Variants in RHAG observed in about 807,000 individuals in gnomAD.
RHAG encodes the protein ammonium transporter Rh type A.
Under a neutral mutation model 42.4 loss-of-function variants are expected in RHAG, and 25 were observed. The ratio of observed to expected loss-of-function variants is 0.59; its 90% CI spans 0.43 to 0.82. The LOEUF (loss-of-function observed/expected upper bound fraction) is 0.82, where lower values mean the gene tolerates loss of function less well. Among genes scored for constraint, RHAG ranks in the 40% least tolerant of loss-of-function variants. The pLI, the probability that RHAG is intolerant of heterozygous loss-of-function variation, is 0.00. For synonymous variants in RHAG, 182 were observed against 177.7 expected, an observed-to-expected ratio of 1.02 and a Z score of -0.19; for missense variants, 483 against 504.6, an observed-to-expected ratio of 0.96 and a Z score of 0.41.
Position 49,611,134 on chromosome 6 carries a change from A to T in RHAG, c.957T>A (p.Thr319=), listed in dbSNP as rs139193219. ...ATGTATCATGGATCCTCAGTTTAGT[A>T]GTAAAAAGTGGCTAAAATTATAAAA... ...LGYKFLTPLF[T]TKLRIHDTCG... Residue 319 remains threonine, a synonymous_variant, in exon 7 of 10, where the codon ACT becomes ACA. Transcript: ENST00000371175. 2.2e-5 allele frequency: 36 copies of T among 1,613,276 alleles called. No individual in the cohort carries two copies. The East Asian group carries it at 7.4e-4, about 33-fold the overall frequency.
At chr6:49,636,418 A>G (rs750144022) in intron 1 of RHAG, among the ~76,000 whole-genome samples, 19 of 152,148 alleles carry the variant, frequency 1.2e-4, no homozygotes, top group Non-Finnish European at 1.9e-4. Context: ...AAAAGGCATC[A>G]ATTATTTTAA....
In RHAG at chr6:49,614,716, G is replaced by T. The variant is rs550726877; in HGVS notation, c.778C>A (p.Leu260Ile). 25 of 1,613,992 alleles carry T rather than the reference G, an allele frequency of 1.5e-5. No individual in the cohort carries two copies. The South Asian group carries it at 2.6e-4, about 17-fold the overall frequency. The change falls in exon 5 of 10, where the codon CTA (leucine) becomes ATA (isoleucine). Residue 260 changes from leucine to isoleucine, a missense_variant. Leu to Ile is a conservative substitution (Grantham distance 5, BLOSUM62 2). Transcript: ENST00000371175. Reference sequence around the variant, plus strand: ...TTGAGCTTGCCTCGGTGCTCCACTAGGCTGGAGAAGGCAAAGGCTGTGAGC... The same window carrying T: ...TTGAGCTTGCCTCGGTGCTCCACTATGCTGGAGAAGGCAAAGGCTGTGAGC... ...CVLTAFAFSSLVEHRGKLNMV... is the reference protein window; with the variant it reads ...CVLTAFAFSSIVEHRGKLNMV...
chr6:49,626,891 C>T (rs138727657), intron 1 of RHAG, among the ~76,000 whole-genome samples: 23 of 152,366 alleles, frequency 1.5e-4, no homozygotes, highest in East Asian at 7.7e-4. Context: ...GGCTTGCACC[C>T]GCTGAAGAAA....
At chr6:49,615,531 G>T (rs545441190) in intron 4 of RHAG, 93 bp downstream of exon 4, 2 of 1,414,214 alleles carry the variant, frequency 1.4e-6, no homozygotes, top group Non-Finnish European at 2.0e-6. Flanking sequence ...TGGCTTGGAT[G>T]TTCTTTTTGA....
At chr6:49,627,414 C>T (rs115927078) in intron 1 of RHAG, among the ~76,000 whole-genome samples, 44 of 152,300 alleles carry the variant, frequency 2.9e-4, no homozygotes, top group African/African-American at 9.6e-4. Flanking sequence ...CCCCATCTCA[C>T]TATCACCATT....
chr6:49,608,914 G>T (rs1000611916), intron 7 of RHAG, among the ~76,000 whole-genome samples: 1 of 151,872 alleles, frequency 6.6e-6, no homozygotes, highest in African/African-American at 2.4e-5. Flanking sequence ...TAATTTTATA[G>T]GAATTTGCCA....
In RHAG at chr6:49,615,706, T is replaced by C. The variant is rs562777384; in HGVS notation, c.558A>G (p.Ala186=). 1.5e-5 allele frequency: 24 copies of C among 1,614,146 alleles called. No homozygotes were observed. The African/African-American group carries it at 2.7e-4, about 18-fold the overall frequency. Reference sequence around the variant, plus strand: ...TCAGTCCAGATCGATACAAGATGCCTGCTACAGCCAAGCCAAAGTAGGCCC... The same window carrying C: ...TCAGTCCAGATCGATACAAGATGCCCGCTACAGCCAAGCCAAAGTAGGCCC... ...AFGAYFGLAV[A]GILYRSGLRK... is the part of the protein sequence containing the mutation. Residue 186 remains alanine, a synonymous_variant, in exon 4 of 10, where the codon GCA becomes GCG. Transcript: ENST00000371175.
intron 1 of RHAG, among the ~76,000 whole-genome samples, chr6:49,629,831 G>T (rs1456286711): frequency 6.8e-6 from 1 of 147,994 alleles, no homozygotes; most frequent in Non-Finnish European, 1.5e-5. Flanking sequence ...AGGGCCAGCC[G>T]GCTGCTCCGA....
At chr6:49,609,455 TTGCACAGTGTA>T (rs1762530811) in intron 7 of RHAG, among the ~76,000 whole-genome samples, 1 of 152,208 alleles carries the variant, frequency 6.6e-6, no homozygotes, top group South Asian at 2.1e-4. Context: ...CTTAGGGTGT[TTGCACAGTGTA>T]TGCACACTCC....
At position 49,614,714 on chromosome 6, in the gene RHAG, T is replaced by G. The variant is rs184879909; in HGVS notation, c.780A>C (p.Leu260=). ...TGTTGAGCTTGCCTCGGTGCTCCAC[T>G]AGGCTGGAGAAGGCAAAGGCTGTGA... The part of the protein sequence containing the change: ...CVLTAFAFSS[L]VEHRGKLNMV... Residue 260 remains leucine (L), a synonymous_variant, in exon 5 of 10, where the codon CTA becomes CTC. Transcript: ENST00000371175. The G allele has an allele frequency of 5.0e-6, 8 of 1,613,948 alleles. No homozygotes were observed. The East Asian group carries it at 1.8e-4, about 36-fold the overall frequency.
chr6:49,621,681 G>A (rs1295622813), intron 1 of RHAG, among the ~76,000 whole-genome samples: 1 of 151,894 alleles, frequency 6.6e-6, no homozygotes, highest in Non-Finnish European at 1.5e-5. Flanking sequence ...TTTAATTTTT[G>A]TATGTAAAAA....
chr6:49,605,770 C>T lies in RHAG; in HGVS notation c.*43G>A, dbSNP rs777728520. 6.3e-7 allele frequency: 1 copy of T among 1,591,996 alleles called. No homozygotes were observed. On this transcript the variant is annotated 3_prime_UTR_variant, in exon 10 of 10. Coordinates refer to ENST00000371175, the MANE Select transcript of RHAG (RefSeq NM_000324.3). ...AGGAATGGTGTTTAGACTTCAGGTTCCAGCTGGCTGTGGTCACCATGTCCA... is the reference window on the plus strand; with the variant it reads ...AGGAATGGTGTTTAGACTTCAGGTTTCAGCTGGCTGTGGTCACCATGTCCA...
chr6:49,615,816 A>C, intron 3 of RHAG, 45 bp from the exon 4 acceptor site: 1 of 1,588,034 alleles, frequency 6.3e-7, no homozygotes, highest in Non-Finnish European at 8.6e-7. Context: ...TGAACCTGAG[A>C]CTCATTTATG....
chr6:49,621,325 A>G (rs1762756392), intron 1 of RHAG, among the ~76,000 whole-genome samples: 1 of 152,160 alleles, frequency 6.6e-6, no homozygotes, highest in South Asian at 2.1e-4. Context: ...TTTGCTCAAG[A>G]TCATAGCTCT....
chr6:49,607,380 T>C (rs539216950), intron 7 of RHAG, among the ~76,000 whole-genome samples, 160 bp from the exon 8 acceptor site: 1 of 152,370 alleles, frequency 6.6e-6, no homozygotes, highest in East Asian at 1.9e-4. Context: ...CATATTCTTA[T>C]TTTCTTTGAA....
intron 1 of RHAG, among the ~76,000 whole-genome samples, chr6:49,629,577 G>C (rs956564418): frequency 3.9e-5 from 6 of 152,136 alleles, no homozygotes; most frequent in Admixed American, 3.9e-4. Context: ...TGGTCGATGG[G>C]ACTGGGCGCC....
Position 49,605,826 on chromosome 6 carries a change from G to A in RHAG, c.1217C>T (p.Pro406Leu). The A allele has an allele frequency of 5.6e-6, 9 of 1,613,134 alleles. No individual in the cohort carries two copies. The highest frequency in any genetic ancestry group is 7.6e-6 in the Non-Finnish European group (9 of 1,179,258). The change falls in exon 10 of 10, where the codon CCT (proline) becomes CTT (leucine). Residue 406 changes from proline to leucine, a missense_variant. Transcript: ENST00000371175. ...CYDDSVYWKV[P>L]KTR ...CTGATTGTCAAGTTATCTCGTCTTA[G>A]GGACCTTTAAAAAAACAAGTTTGAG...
At chr6:49,628,165 G>C (rs201820906) in intron 1 of RHAG, among the ~76,000 whole-genome samples, 2,621 of 148,838 alleles carry the variant, frequency 0.018, 28 homozygotes, top group Middle Eastern at 0.038. Context: ...CACACACAGA[G>C]AGAGAGAGAG....
rs746159297 is a variant in RHAG at position 49,605,780 on chromosome 6, G to A, written c.*33C>T. On this transcript the variant is annotated 3_prime_UTR_variant, in exon 10 of 10. Transcript: ENST00000371175. Reference sequence around the variant, plus strand: ...TTTAGACTTCAGGTTCCAGCTGGCTGTGGTCACCATGTCCATGGAACTGAT... The same window carrying A: ...TTTAGACTTCAGGTTCCAGCTGGCTATGGTCACCATGTCCATGGAACTGAT... 6.8e-6 allele frequency: 11 copies of A among 1,607,168 alleles called. No homozygotes were observed. Among genetic ancestry groups the A allele is most frequent in the Admixed American group, 1.7e-5 (1 of 59,966 alleles).
Sources: allele counts gnomAD v4.1 joint callset (sites outside exome capture counted in the v4.1 genomes callset), GRCh38; gene constraint gnomAD v4.1.1; transcripts MANE v1.5; gene names NCBI Gene and HGNC (gene_info 2026-07-23, HGNC 2026-07-21).